Variants in PRR5 observed in about 807,000 individuals in gnomAD.
PRR5 encodes the protein proline-rich protein 5.
A neutral mutation model predicts 30.6 loss-of-function variants in PRR5; 25 were observed. The observed-to-expected ratio is 0.82, with a 90% CI of 0.60 to 1.14. The LOEUF is 1.14. Among genes scored for constraint, PRR5 ranks in the 50% most tolerant of loss-of-function variants. The pLI, the probability that PRR5 is intolerant of heterozygous loss-of-function variation, is 0.00. For synonymous variants in PRR5, 286 were observed against 247.1 expected (o/e 1.16, Z -1.48); for missense variants, 600 against 547.1 (o/e 1.10, Z -0.96).
rs759513633 is a variant in PRR5 at position 44,725,229 on chromosome 22, A to G, written c.216-15A>G. 1 of 1,613,408 alleles carries G rather than the reference A, an allele frequency of 6.2e-7. No individual in the cohort carries two copies. The highest frequency in any genetic ancestry group is 8.5e-7 in the Non-Finnish European group (1 of 1,179,866). On this transcript the variant is annotated splice_polypyrimidine_tract_variant and intron_variant, in intron 2 of 7. Transcript: ENST00000336985. Reference sequence around the variant, plus strand: ...GTGGTCTGGGACTCACTCTTGTCTCACCTCCCACCCACAGGCAGCTGTTGA... The same window carrying G: ...GTGGTCTGGGACTCACTCTTGTCTCGCCTCCCACCCACAGGCAGCTGTTGA...
intron 2 of PRR5, among the ~76,000 whole-genome samples, chr22:44,717,471 C>T (rs773135944): frequency 1.3e-5 from 2 of 152,066 alleles, no homozygotes; most frequent in South Asian, 2.1e-4. Flanking sequence ...GGATTCCAGG[C>T]GTGAGCCACC....
intron 2 of PRR5, among the ~76,000 whole-genome samples, chr22:44,717,717 CT>C (rs775675392): frequency 2.2e-3 from 297 of 133,554 alleles, no homozygotes; most frequent in Middle Eastern, 4.1e-3. Context: ...CCCTGCTTTG[CT>C]TTTTTTTTTT....
chr22:44,721,774 C>T (rs1338190303), intron 2 of PRR5, among the ~76,000 whole-genome samples: 2 of 152,178 alleles, frequency 1.3e-5, no homozygotes, highest in Non-Finnish European at 2.9e-5. Context: ...GGAGGGGTCT[C>T]GTCCAGAGTC....
intron 4 of PRR5, among the ~76,000 whole-genome samples, chr22:44,728,407 G>A (rs972798055): frequency 2.6e-5 from 4 of 152,210 alleles, no homozygotes; most frequent in Non-Finnish European, 5.9e-5. Context: ...GCCCAGAGAT[G>A]GAGGAGAACC....
intron 1 of PRR5, among the ~76,000 whole-genome samples, chr22:44,692,100 A>C (rs1287756390): frequency 6.6e-6 from 1 of 151,708 alleles, no homozygotes; most frequent in Non-Finnish European, 1.5e-5. Context: ...CGAGTGAAAA[A>C]GCACTGCCTA....
intron 6 of PRR5, 38 bp from the exon 7 acceptor site, chr22:44,734,989 G>A (rs372761365): frequency 1.3e-6 from 2 of 1,585,116 alleles, no homozygotes; most frequent in African/African-American, 1.3e-5. Flanking sequence ...CCAAGCTCGG[G>A]TGCATGACCC....
intron 2 of PRR5, among the ~76,000 whole-genome samples, chr22:44,721,674 T>G (rs1929954360): frequency 6.6e-6 from 1 of 152,296 alleles, no homozygotes; most frequent in Non-Finnish European, 1.5e-5. Flanking sequence ...TTAGATTCCC[T>G]GCCTCCAGAC....
chr22:44,725,631 T>A (rs1165049004), intron 3 of PRR5, among the ~76,000 whole-genome samples: 2 of 151,678 alleles, frequency 1.3e-5, no homozygotes, highest in Non-Finnish European at 2.9e-5. Context: ...CCATCACGCC[T>A]GGCTAATTTT....
intron 1 of PRR5, among the ~76,000 whole-genome samples, chr22:44,709,793 A>G (rs1346097117): frequency 1.3e-5 from 2 of 152,184 alleles, no homozygotes; most frequent in African/African-American, 2.4e-5. Flanking sequence ...CAGAGGTTGC[A>G]GTGAGCTGAG....
chr22:44,705,588 G>A (rs371246558), intron 1 of PRR5, among the ~76,000 whole-genome samples: 1 of 151,938 alleles, frequency 6.6e-6, no homozygotes, highest in South Asian at 2.1e-4. Flanking sequence ...GCCTCCCAAA[G>A]TGCTGGGATT....
At chr22:44,717,254 C>G (rs1217246440) in intron 2 of PRR5, among the ~76,000 whole-genome samples, 1 of 134,402 alleles carries the variant, frequency 7.4e-6, no homozygotes, top group Non-Finnish European at 1.5e-5. Flanking sequence ...TGCAGTGGTG[C>G]GATCTCAGCT....
At chr22:44,713,948 C>T (rs8137173) in intron 1 of PRR5, among the ~76,000 whole-genome samples, 30,187 of 152,168 alleles carry the variant, frequency 0.2, 3,182 homozygotes, top group South Asian at 0.39. Context: ...GGACTACAGG[C>T]GCCCGCCATC....
Position 44,714,659 on chromosome 22 carries a change from A to T in PRR5, c.203A>T (p.Asn68Ile). The part of the protein sequence containing the change: ...GLPDQELFSL[N>I]EGVRQLLKTE... The stretch of plus-strand genomic sequence containing the variant: ...CCCGACCAGGAGCTCTTCAGCCTCA[A>T]CGAGGGCGTCCGGTGAGTGCCTGTC... The change falls in exon 2 of 8, where the codon AAC (asparagine) becomes ATC (isoleucine). Residue 68 changes from asparagine to isoleucine, a missense_variant. Transcript: ENST00000336985. The T allele has an allele frequency of 1.9e-6, 3 of 1,613,856 alleles. No individual in the cohort carries two copies. Among genetic ancestry groups the T allele is most frequent in the Non-Finnish European group, 2.5e-6 (3 of 1,179,982 alleles).
chr22:44,729,854 C>T, intron 4 of PRR5: 1 of 985,478 alleles, frequency 1.0e-6, no homozygotes, highest in Non-Finnish European at 1.2e-6. Context: ...GGCCGGTGCC[C>T]AGAGCCACCC....
At chr22:44,676,999 C>A (rs931873262), upstream of PRR5, 3 of 152,296 alleles carry the variant, frequency 2.0e-5, no homozygotes, top group Admixed American at 2.0e-4. Context: ...CGCCTGCCCT[C>A]AAGCTCCTGG....
rs527510341 is a variant in PRR5 at position 44,716,819 on chromosome 22, G to A, written c.215+2148G>A. Among the ~76,000 whole-genome samples, 25 of 152,246 alleles carry A rather than the reference G, an allele frequency of 1.6e-4. No individual in the cohort carries two copies. The South Asian group carries it at 4.6e-3, about 28-fold the overall frequency. ...GCTCACCCTGTAATCCCAGCACTTTGGGAGGCCGAGGCAGGAGGATTGCTT... is the reference window on the plus strand; with the variant it reads ...GCTCACCCTGTAATCCCAGCACTTTAGGAGGCCGAGGCAGGAGGATTGCTT... On this transcript the variant is annotated intron_variant, in intron 2 of 7. Coordinates refer to ENST00000336985, the MANE Select transcript of PRR5 (RefSeq NM_181333.4).
chr22:44,735,132 G>A lies in PRR5; in HGVS notation c.661G>A (p.Glu221Lys), dbSNP rs140036609. 133 of 1,613,002 alleles carry A rather than the reference G, an allele frequency of 8.2e-5. No homozygotes were observed. The South Asian group carries it at 1.1e-3, about 13-fold the overall frequency. Residue 221 changes from glutamate to lysine, a missense_variant, in exon 7 of 8, where the codon GAG becomes AAG. Coordinates refer to ENST00000336985, the MANE Select transcript of PRR5 (RefSeq NM_181333.4). ...GGGCACCTACGGCCTCCACTCCAGC[G>A]AGGGGCCCTTCACCCATTCCTGCAT... The part of the protein sequence containing the change: ...YLGTYGLHSS[E>K]GPFTHSCILE...
chr22:44,732,921 T>A (rs998054668), intron 6 of PRR5, among the ~76,000 whole-genome samples: 1 of 145,900 alleles, frequency 6.9e-6, no homozygotes, highest in Non-Finnish European at 1.5e-5. Flanking sequence ...ACTACACACG[T>A]GCGCACGCAC....
At chr22:44,679,066 G>T (rs1187879840) in intron 1 of PRR5, among the ~76,000 whole-genome samples, 1 of 152,136 alleles carries the variant, frequency 6.6e-6, no homozygotes, top group South Asian at 2.1e-4. Flanking sequence ...CTCCAGGTCT[G>T]AGCCTCTCCC....
Sources: gnomAD v4.1 joint callset for allele counts (sites outside exome capture counted in the v4.1 genomes callset) on GRCh38, gnomAD v4.1.1 for gene constraint, MANE v1.5 for transcripts, NCBI Gene and HGNC (gene_info 2026-07-23, HGNC 2026-07-21) for gene names.